Variants in POLK observed in about 807,000 individuals in gnomAD.
POLK encodes the protein DNA polymerase kappa, also known as polymerase (DNA directed) kappa.
POLK carries 76 observed loss-of-function variants against 94.0 expected under a neutral mutation model. That is an observed-to-expected ratio of 0.81 (90% CI 0.67 to 0.98). POLK has a LOEUF of 0.98. Among genes scored for constraint, POLK ranks in the 50% least tolerant of loss-of-function variants. POLK has a pLI of 0.00. For missense variants in POLK, 954 were observed against 1,010.1 expected (o/e 0.94, Z 0.75); for synonymous variants, 349 against 325.4 (o/e 1.07, Z -0.78).
intron 5 of POLK, 24 bp downstream of exon 5, chr5:75,573,893 T>G: frequency 6.2e-7 from 1 of 1,611,488 alleles, no homozygotes; most frequent in South Asian, 1.1e-5. Flanking sequence ...TCACCCCTAC[T>G]TTAGGCTTTC....
chr5:75,511,914 G>A, exon 1 of POLK: 2 of 1,258,922 alleles, frequency 1.6e-6, no homozygotes, highest in Non-Finnish European at 2.2e-6. Context: ...TGAGGTAACG[G>A]GTGAGTATCC....
intron 1 of POLK, among the ~76,000 whole-genome samples, chr5:75,534,517 G>A (rs995298907): frequency 9.9e-5 from 15 of 152,040 alleles, no homozygotes; most frequent in African/African-American, 2.7e-4. Flanking sequence ...GTCCAAATAT[G>A]TTTGTTAGTT....
At position 75,596,107 on chromosome 5, in the gene POLK, G is replaced by GTTGGC. The variant is rs1019675387; in HGVS notation, c.1529-113_1529-112insGGCTT. 15 of 638,036 alleles carry GTTGGC rather than the reference G, an allele frequency of 2.4e-5. No homozygotes were observed. In the African/African-American group the frequency reaches 2.7e-4, roughly 12 times the overall value. 39.5% of individuals were successfully genotyped at this position (638,036 alleles called of 1,614,324 possible). On this transcript the variant is annotated intron_variant, in intron 12 of 14. Coordinates refer to ENST00000241436, the Ensembl canonical transcript of POLK. ...TACCAGCTTTGAAATGTTACTTATA[G>GTTGGC]TTTCTCTCTAGCCAACCTTTTGTAT... is the stretch of plus-strand genomic sequence containing the variant.
chr5:75,584,693 A>C (rs1772371092), intron 8 of POLK, 67 bp from the exon 9 acceptor site: 9 of 854,872 alleles, frequency 1.1e-5, no homozygotes, highest in Non-Finnish European at 1.4e-5. Flanking sequence ...AAGTGTAATG[A>C]GGTTGTAATC....
chr5:75,588,856 C>T (rs533538808), intron 10 of POLK, among the ~76,000 whole-genome samples: 40 of 152,282 alleles, frequency 2.6e-4, no homozygotes, highest in African/African-American at 8.7e-4. Context: ...CTTGGGATTA[C>T]GTTGGGCACA....
chr5:75,576,813 T>C (rs1161200945), exon 6 of POLK: 1 of 1,526,706 alleles, frequency 6.6e-7, no homozygotes, highest in East Asian at 2.3e-5. Flanking sequence ...TGATCCCAAT[T>C]TTATGGCCAT....
chr5:75,531,533 G>A (rs1325313966), intron 1 of POLK, among the ~76,000 whole-genome samples: 1 of 152,044 alleles, frequency 6.6e-6, no homozygotes, highest in Non-Finnish European at 1.5e-5. Context: ...GGTGGCTCAC[G>A]CCTGTAATCC....
intron 10 of POLK, among the ~76,000 whole-genome samples, 197 bp downstream of exon 10, chr5:75,587,255 T>G (rs1772522484): frequency 6.6e-6 from 1 of 152,190 alleles, no homozygotes; most frequent in African/African-American, 2.4e-5. Flanking sequence ...TCTCAAAAAT[T>G]AACTTCAGCT....
chr5:75,572,098 A>G (rs1474714781), intron 4 of POLK, among the ~76,000 whole-genome samples: 1 of 152,176 alleles, frequency 6.6e-6, no homozygotes, highest in Non-Finnish European at 1.5e-5. Context: ...ATTTCTTTGA[A>G]ATTTCACTTG....
intron 6 of POLK, among the ~76,000 whole-genome samples, chr5:75,577,231 G>C (rs917286555): frequency 1.3e-5 from 2 of 152,176 alleles, no homozygotes; most frequent in East Asian, 3.9e-4. Flanking sequence ...CTAACAAAGA[G>C]TTTGGATGGC....
chr5:75,581,297 G>T, exon 7 of POLK: 1 of 1,613,112 alleles, frequency 6.2e-7, no homozygotes, highest in Middle Eastern at 1.7e-4. Flanking sequence ...CTGATGTGCA[G>T]CCCCCAGGAG....
chr5:75,519,618 C>T (rs1378405206), intron 1 of POLK, among the ~76,000 whole-genome samples: 1 of 152,172 alleles, frequency 6.6e-6, no homozygotes, highest in Non-Finnish European at 1.5e-5. Context: ...ACCTGTTTAT[C>T]ATAATATAGT....
At chr5:75,576,218 A>G (rs1436710768) in intron 5 of POLK, among the ~76,000 whole-genome samples, 4 of 152,202 alleles carry the variant, frequency 2.6e-5, no homozygotes, top group African/African-American at 7.2e-5. Context: ...CTTAATAAGT[A>G]ATAGGAAATA....
intron 1 of POLK, among the ~76,000 whole-genome samples, chr5:75,542,569 A>G (rs1171731307): frequency 6.6e-6 from 1 of 151,466 alleles, no homozygotes; most frequent in African/African-American, 2.4e-5. Context: ...AGTTTGCCTT[A>G]TATGTGTGGG....
upstream of POLK, chr5:75,511,296 G>T (rs759469784): frequency 2.6e-6 from 4 of 1,563,610 alleles, no homozygotes; most frequent in Non-Finnish European, 3.5e-6. Context: ...AGGGTCGGGG[G>T]ATGGCGAAGC....
intron 10 of POLK, among the ~76,000 whole-genome samples, chr5:75,589,388 T>TAC (rs71600465): frequency 0.11 from 13,538 of 128,102 alleles, 801 homozygotes; most frequent in Middle Eastern, 0.14. Context: ...TATACACACA[T>TAC]ACACACACAC....
chr5:75,511,860 GGTCC>G, exon 1 of POLK: 15 of 1,533,444 alleles, frequency 9.8e-6, no homozygotes, highest in Non-Finnish European at 1.3e-5. Flanking sequence ...GAAGGGCGTT[GGTCC>G]GTCGCTCGCG....
At position 75,554,753 on chromosome 5, in the gene POLK, C is replaced by T. The variant is rs544900162; in HGVS notation, c.255+2162C>T. 8.5e-5 allele frequency among the ~76,000 whole-genome samples: 13 copies of T among 152,210 alleles called. No individual in the cohort carries two copies. The East Asian group carries it at 2.5e-3, about 29-fold the overall frequency. On this transcript the variant is annotated intron_variant, in intron 3 of 14. Transcript: ENST00000241436. The stretch of plus-strand genomic sequence containing the variant: ...GCTCCCACTTATAAGTGAGAACATG[C>T]GGTATGTGGTTTCTGTTCCTTTGTT...
chr5:75,542,645 A>G (rs1286777056), intron 1 of POLK, among the ~76,000 whole-genome samples: 3 of 132,740 alleles, frequency 2.3e-5, no homozygotes, highest in African/African-American at 1.1e-4. Flanking sequence ...ACACATATAC[A>G]TATATACACA....
Sources: allele counts gnomAD v4.1 joint callset (sites outside exome capture counted in the v4.1 genomes callset), GRCh38; gene constraint gnomAD v4.1.1; transcripts MANE v1.5; gene names NCBI Gene and HGNC (gene_info 2026-07-23, HGNC 2026-07-21).